DNAJC9: variants seen among roughly 807,000 people sequenced by gnomAD.
DNAJC9 encodes DnaJ heat shock protein family (Hsp40) member C9.
In DNAJC9, 18 loss-of-function variants were observed where a neutral mutation model predicts 32.4. The ratio of observed to expected loss-of-function variants is 0.56; its 90% CI spans 0.38 to 0.82. DNAJC9 has a LOEUF of 0.82. Among genes scored for constraint, DNAJC9 ranks in the 40% least tolerant of loss-of-function variants. The probability of loss-of-function intolerance (pLI) is 0.00; values close to 1 mark genes in which losing one functional copy is unlikely to be tolerated. For synonymous variants in DNAJC9, 113 were observed against 122.1 expected, an observed-to-expected ratio of 0.93 and a Z score of 0.49; for missense variants, 310 against 321.8, an observed-to-expected ratio of 0.96 and a Z score of 0.28.
At chr10:73,232,946 G>A in intron 2 of DNAJC9, 1 of 1,545,276 alleles carries the variant, frequency 6.5e-7, no homozygotes, top group Non-Finnish European at 8.8e-7. Context: ...TAGAGATCTT[G>A]ATGACAAGCT....
At position 73,243,939 on chromosome 10, in the gene DNAJC9, G is replaced by A; in HGVS notation, c.577-10C>T. On this transcript the variant is annotated splice_polypyrimidine_tract_variant and intron_variant, in intron 3 of 4. Transcript: ENST00000372950. Reference sequence around the variant, plus strand: ...TGGCCTCTTCCTGAGCCTGAAACAGGAACTCACATGAGACTCAGGGCCACC... The same window carrying A: ...TGGCCTCTTCCTGAGCCTGAAACAGAAACTCACATGAGACTCAGGGCCACC... 1.2e-6 allele frequency: 2 copies of A among 1,612,532 alleles called. No homozygotes were observed. Among genetic ancestry groups the A allele is most frequent in the Non-Finnish European group, 1.7e-6 (2 of 1,179,290 alleles).
rs960122675 is a variant in DNAJC9 at position 73,247,243 on chromosome 10, A to G, written c.-54T>C. ...GCAGCCGCTCCCAGCTGCGCCGGGT[A>G]CAACCCAGGACTGCTTCTTTTTCGC... On this transcript the variant is annotated 5_prime_UTR_variant, in exon 1 of 5. Transcript: ENST00000372950. 2 of 1,547,822 alleles carry G rather than the reference A, an allele frequency of 1.3e-6. No homozygotes were observed. Among genetic ancestry groups the G allele is most frequent in the Middle Eastern group, 1.7e-4 (1 of 5,984 alleles).
downstream of DNAJC9, among the ~76,000 whole-genome samples, chr10:73,240,512 A>C (rs199904502): frequency 2.2e-3 from 333 of 152,264 alleles, 3 homozygotes; most frequent in African/African-American, 7.7e-3. Flanking sequence ...GCATATTGAG[A>C]CCATCCTGGC....
chr10:73,244,226 T>C (rs745851828), intron 3 of DNAJC9: 7 of 341,124 alleles, frequency 2.1e-5, no homozygotes, highest in Admixed American at 9.4e-5. Context: ...CCGGGTATGG[T>C]GGCTCACAAC....
At chr10:73,238,326 G>A (rs1260692377), downstream of DNAJC9, among the ~76,000 whole-genome samples, 2 of 152,152 alleles carry the variant, frequency 1.3e-5, no homozygotes, top group African/African-American at 2.4e-5. Flanking sequence ...CAACCTGGGC[G>A]ACAGAGCGAG....
At position 73,247,129 on chromosome 10, in the gene DNAJC9, C is replaced by T; in HGVS notation, c.61G>A (p.Gly21Ser). ...FGTADLYRVLGVRREASDGEV... is the reference protein window; with the variant it reads ...FGTADLYRVLSVRREASDGEV... ...CCGTCGGAGGCCTCGCGTCGCACGC[C>T]CAGCACCCGGTAAAGGTCGGCGGTG... is the stretch of plus-strand genomic sequence containing the variant. Residue 21 changes from glycine to serine, a missense_variant, in exon 1 of 5, where the codon GGC (glycine) becomes AGC (serine). Physicochemically the swap from Gly to Ser is moderately conservative, Grantham distance 56 (BLOSUM62 0). Transcript: ENST00000372950. 6.3e-7 allele frequency: 1 copy of T among 1,596,212 alleles called. No individual in the cohort carries two copies. The highest frequency in any genetic ancestry group is 8.5e-7 in the Non-Finnish European group (1 of 1,172,264).
chr10:73,233,114 T>G, intron 2 of DNAJC9: 1 of 1,551,786 alleles, frequency 6.4e-7, no homozygotes, highest in South Asian at 1.2e-5. Flanking sequence ...GAGCCATTCA[T>G]GTGCTGAAAC....
At chr10:73,243,700 C>T in intron 4 of DNAJC9, 143 bp downstream of exon 4, 1 of 1,112,156 alleles carries the variant, frequency 9.0e-7, no homozygotes, top group East Asian at 2.5e-5. Flanking sequence ...CACTTAAAAC[C>T]ACCAAATTGT....
downstream of DNAJC9, chr10:73,239,330 C>T (rs61742727): frequency 2.9e-4 from 457 of 1,551,594 alleles, 2 homozygotes; most frequent in African/African-American, 4.8e-3. Flanking sequence ...ACAGTATCGT[C>T]GCTCATGTGC....
chr10:73,233,157 C>A (rs771923238), intron 2 of DNAJC9: 1 of 1,549,122 alleles, frequency 6.5e-7, no homozygotes. Flanking sequence ...CTCAGAGGAG[C>A]CCGAGTGTAG....
downstream of DNAJC9, chr10:73,241,159 G>A (rs555119862): frequency 7.4e-5 from 48 of 649,374 alleles, no homozygotes; most frequent in Middle Eastern, 5.3e-4. Flanking sequence ...ACAAGTGACC[G>A]AAGAACAAAA....
At chr10:73,238,252 CAGG>C (rs2043866944), downstream of DNAJC9, among the ~76,000 whole-genome samples, 1 of 152,120 alleles carries the variant, frequency 6.6e-6, no homozygotes, top group South Asian at 2.1e-4. Flanking sequence ...GAGGCTAAGG[CAGG>C]AGAATTGCTT....
At chr10:73,241,732 T>G (rs368029039), downstream of DNAJC9, 8 of 152,370 alleles carry the variant, frequency 5.3e-5, no homozygotes, top group African/African-American at 1.9e-4. Flanking sequence ...AAATATTAAA[T>G]GCACCTTGCC....
chr10:73,246,652 G>A, intron 2 of DNAJC9, 36 bp downstream of exon 2: 3 of 1,609,944 alleles, frequency 1.9e-6, no homozygotes, highest in Non-Finnish European at 2.5e-6. Flanking sequence ...ATTGAATGAT[G>A]GTAACAGTCA....
Position 73,246,427 on chromosome 10 carries a change from A to G in DNAJC9, c.322-251T>C, listed in dbSNP as rs530392729. Among the ~76,000 whole-genome samples, 5 of 152,330 alleles carry G rather than the reference A, an allele frequency of 3.3e-5. No homozygotes were observed. The East Asian group carries it at 9.6e-4, about 29-fold the overall frequency. On this transcript the variant is annotated intron_variant, in intron 2 of 4. Transcript: ENST00000372950. ...TTCCAAGAGTGAGAGGTGATCCGGA[A>G]TCAGGACTTACATTTGGATATGTAA...
At position 73,246,454 on chromosome 10, in the gene DNAJC9, A is replaced by G. The variant is rs946136198; in HGVS notation, c.321+234T>C. Among the ~76,000 whole-genome samples the G allele has an allele frequency of 2.0e-5, 3 of 152,196 alleles. No individual in the cohort carries two copies. In the East Asian group the frequency reaches 5.8e-4, roughly 29 times the overall value. The stretch of plus-strand genomic sequence containing the variant: ...CAGGACTTACATTTGGATATGTAAA[A>G]TAAAGCGCATCCGGCAAAAAAAATA... On this transcript the variant is annotated intron_variant, in intron 2 of 4. Transcript: ENST00000372950.
At position 73,243,455 on chromosome 10, in the gene DNAJC9, C is replaced by G; in HGVS notation, c.728G>C (p.Cys243Ser). ...NFLAQMEAKY[C>S]KSSKGGGKKS... ...TTTCCCTCCTCCTTTGGAAGATTTG[C>G]AGTACTTTGCTTCCATCTGAGCCAG... Residue 243 changes from cysteine to serine, a missense_variant, in exon 5 of 5, where the codon TGC (cysteine) becomes TCC (serine). By Grantham distance (112) the Cys-to-Ser change is moderately radical. Transcript: ENST00000372950. 6.2e-7 allele frequency: 1 copy of G among 1,613,934 alleles called. No individual in the cohort carries two copies. The highest frequency in any genetic ancestry group is 8.5e-7 in the Non-Finnish European group (1 of 1,179,868).
downstream of DNAJC9, chr10:73,239,273 A>T: frequency 6.9e-7 from 1 of 1,450,008 alleles, no homozygotes; most frequent in Non-Finnish European, 9.5e-7. Flanking sequence ...CTTTGTGAGA[A>T]GATGCATCAT....
At chr10:73,233,241 G>A in intron 2 of DNAJC9, 1 of 1,034,178 alleles carries the variant, frequency 9.7e-7, no homozygotes, top group South Asian at 1.4e-5. Flanking sequence ...TTAAATATAA[G>A]ACTGAAATCT....
Sources: allele counts gnomAD v4.1 joint callset (sites outside exome capture counted in the v4.1 genomes callset), GRCh38; gene constraint gnomAD v4.1.1; transcripts MANE v1.5; gene names NCBI Gene and HGNC (gene_info 2026-07-23, HGNC 2026-07-21).